BCL2: variants seen among roughly 807,000 people sequenced by gnomAD.
BCL2 encodes the protein BCL2 apoptosis regulator.
A neutral mutation model predicts 14.2 loss-of-function variants in BCL2; 1 was observed. That is an observed-to-expected ratio of 0.07 (90% CI 0.02 to 0.33). BCL2 has a LOEUF of 0.33. Among genes scored for constraint, BCL2 ranks in the 10% least tolerant of loss-of-function variants. BCL2 has a pLI of 0.99. For synonymous variants in BCL2, 151 were observed against 137.2 expected, an observed-to-expected ratio of 1.10 and a Z score of -0.70; for missense variants, 247 against 305.9, an observed-to-expected ratio of 0.81 and a Z score of 1.44.
intron 2 of BCL2, among the ~76,000 whole-genome samples, chr18:63,304,058 T>C (rs771328018): frequency 1.3e-5 from 2 of 152,246 alleles, no homozygotes; most frequent in Non-Finnish European, 2.9e-5. Context: ...GTAGTACTGC[T>C]TGAAAAATCT....
chr18:63,149,196 C>T lies in BCL2; in HGVS notation c.586-20437G>A, dbSNP rs1237624529. On this transcript the variant is annotated intron_variant, in intron 2 of 2. Coordinates refer to ENST00000333681, the MANE Select transcript of BCL2 (RefSeq NM_000633.3). This position sits in a 1 kb window ranked among gnomAD's most constrained non-coding sequence, Gnocchi z 4.2. ...ACGTGTTTTGTGGAGGACAATTTTT[C>T]CACGAATGGGGTGGGGGATCATTTC... 6.6e-6 allele frequency among the ~76,000 whole-genome samples: 1 copy of T among 152,186 alleles called. No individual in the cohort carries two copies. The highest frequency in any genetic ancestry group is 2.4e-5 in the African/African-American group (1 of 41,450).
chr18:63,270,478 T>C (rs1473241588), intron 2 of BCL2, among the ~76,000 whole-genome samples: 3 of 152,190 alleles, frequency 2.0e-5, no homozygotes, highest in Non-Finnish European at 2.9e-5. Flanking sequence ...GCATATATGT[T>C]TGCCACCCTC....
chr18:63,161,398 A>G (rs1212927602), intron 2 of BCL2, among the ~76,000 whole-genome samples: 1 of 152,222 alleles, frequency 6.6e-6, no homozygotes, highest in Non-Finnish European at 1.5e-5. Context: ...CTTTTTGCTC[A>G]GATGATCTTT....
chr18:63,172,192 C>T (rs1164298220), intron 2 of BCL2, among the ~76,000 whole-genome samples: 2 of 152,044 alleles, frequency 1.3e-5, no homozygotes, highest in African/African-American at 4.8e-5. Context: ...TGAACACAAT[C>T]CTAATGAACA....
At chr18:63,297,917 G>A (rs2097897906) in intron 2 of BCL2, among the ~76,000 whole-genome samples, 1 of 152,154 alleles carries the variant, frequency 6.6e-6, no homozygotes, top group Admixed American at 6.5e-5. Flanking sequence ...AAACAGATGA[G>A]CACGTGTCCC....
At position 63,154,715 on chromosome 18, in the gene BCL2, C is replaced by T. The variant is rs1303317755; in HGVS notation, c.586-25956G>A. Among the ~76,000 whole-genome samples, 3 of 152,150 alleles carry T rather than the reference C, an allele frequency of 2.0e-5. No individual in the cohort carries two copies. The East Asian group carries it at 5.8e-4, about 29-fold the overall frequency. On this transcript the variant is annotated intron_variant, in intron 2 of 2. Coordinates refer to ENST00000333681, the MANE Select transcript of BCL2 (RefSeq NM_000633.3). ...CCATCATGCCCTTTTCTTATTCTGC[C>T]CCCTCAAGGCTCACCAGTGAACTCA...
intron 2 of BCL2, among the ~76,000 whole-genome samples, chr18:63,301,263 T>C (rs1248155817): frequency 6.6e-6 from 1 of 152,174 alleles, no homozygotes; most frequent in Non-Finnish European, 1.5e-5. Context: ...AGAGTTTCCA[T>C]TTGGAATGAT....
intron 2 of BCL2, chr18:63,314,683 T>C (rs1913442777): frequency 6.6e-6 from 1 of 152,220 alleles, no homozygotes; most frequent in Admixed American, 6.5e-5. Context: ...AGAGTCCCTT[T>C]GTCTTAAAGA....
At chr18:63,233,140 C>G (rs770896028) in intron 2 of BCL2, among the ~76,000 whole-genome samples, 1 of 152,190 alleles carries the variant, frequency 6.6e-6, no homozygotes, top group African/African-American at 2.4e-5. Context: ...TAAACCCACT[C>G]ATGAGGGCTC....
At chr18:63,192,577 G>A (rs1043956631) in intron 2 of BCL2, among the ~76,000 whole-genome samples, 6 of 152,114 alleles carry the variant, frequency 3.9e-5, no homozygotes, top group Admixed American at 1.3e-4. Flanking sequence ...TGAGGTGCAC[G>A]TCTATCCCTT....
In BCL2 at chr18:63,149,070, G is replaced by C. The variant is rs776161248; in HGVS notation, c.586-20311C>G. On this transcript the variant is annotated intron_variant, in intron 2 of 2. Coordinates refer to ENST00000333681, the MANE Select transcript of BCL2 (RefSeq NM_000633.3). This position sits in a 1 kb window ranked among gnomAD's most constrained non-coding sequence, Gnocchi z 4.2. ...TCATAAGTGTGCATGGAGCAGCGACGTGCTTATGCTGACACCTCTGTCTCT... is the reference window on the plus strand; with the variant it reads ...TCATAAGTGTGCATGGAGCAGCGACCTGCTTATGCTGACACCTCTGTCTCT... Among the ~76,000 whole-genome samples, 1 of 152,202 alleles carries C rather than the reference G, an allele frequency of 6.6e-6. No homozygotes were observed. Among genetic ancestry groups the C allele is most frequent in the African/African-American group, 2.4e-5 (1 of 41,456 alleles).
chr18:63,189,933 T>A (rs543623734), intron 2 of BCL2, among the ~76,000 whole-genome samples: 1 of 152,172 alleles, frequency 6.6e-6, no homozygotes, highest in Non-Finnish European at 1.5e-5. Context: ...TCTATAAAAA[T>A]CTGTTGTGGA....
intron 2 of BCL2, chr18:63,207,639 G>C (rs1458589411): frequency 6.7e-6 from 1 of 150,344 alleles, no homozygotes; most frequent in Non-Finnish European, 1.5e-5. Flanking sequence ...CAGTCCACCT[G>C]GAACTTCTGC....
intron 2 of BCL2, among the ~76,000 whole-genome samples, chr18:63,259,711 G>T (rs1164125518): frequency 6.6e-6 from 1 of 152,202 alleles, no homozygotes. Flanking sequence ...CATATTGCAG[G>T]GGGCAAGGTC....
intron 2 of BCL2, among the ~76,000 whole-genome samples, chr18:63,212,128 C>T (rs1337448479): frequency 6.7e-6 from 1 of 149,906 alleles, no homozygotes; most frequent in Non-Finnish European, 1.5e-5. Context: ...GAGTTCGAGA[C>T]CATCCTGGCC....
At chr18:63,144,982 G>A (rs540199968) in intron 2 of BCL2, among the ~76,000 whole-genome samples, 3 of 152,326 alleles carry the variant, frequency 2.0e-5, no homozygotes, top group East Asian at 3.9e-4. Context: ...AGGGCTGCAC[G>A]TGCCATCTCA....
At chr18:63,250,591 C>G (rs4987753) in intron 2 of BCL2, among the ~76,000 whole-genome samples, 2,847 of 152,298 alleles carry the variant, frequency 0.019, 82 homozygotes, top group African/African-American at 0.065. Flanking sequence ...TGGAAACTTT[C>G]TCCAGGGATA....
At chr18:63,294,240 C>A (rs915236319) in intron 2 of BCL2, among the ~76,000 whole-genome samples, 5 of 151,810 alleles carry the variant, frequency 3.3e-5, no homozygotes, top group Non-Finnish European at 7.4e-5. Flanking sequence ...TATAATGAGG[C>A]GGAAGAGGTG....
At chr18:63,268,122 G>A (rs1033812052) in intron 2 of BCL2, among the ~76,000 whole-genome samples, 6 of 152,220 alleles carry the variant, frequency 3.9e-5, no homozygotes, top group Middle Eastern at 3.2e-3. Context: ...GCACACCACC[G>A]TGAGTAGCCT....
Sources: gnomAD v4.1 joint callset for allele counts (sites outside exome capture counted in the v4.1 genomes callset) on GRCh38, gnomAD v4.1.1 for gene constraint, Gnocchi (gnomAD v3.1) non-coding constraint, MANE v1.5 for transcripts, NCBI Gene and HGNC (gene_info 2026-07-23, HGNC 2026-07-21) for gene names.